SNTG2: variants seen among roughly 807,000 people sequenced by gnomAD.
SNTG2 encodes gamma-2-syntrophin.
Under a neutral mutation model 70.9 loss-of-function variants are expected in SNTG2, and 74 were observed. The observed-to-expected ratio is 1.04, with a 90% CI of 0.86 to 1.27. SNTG2 has a LOEUF of 1.27. Among genes scored for constraint, SNTG2 ranks in the 50% most tolerant of loss-of-function variants. The pLI, the probability that SNTG2 is intolerant of heterozygous loss-of-function variation, is 0.00. For missense variants in SNTG2, 717 were observed against 690.7 expected (o/e 1.04, Z -0.43); for synonymous variants, 278 against 273.8 (o/e 1.02, Z -0.15).
At chr2:1,149,412 C>A (rs1669316550) in intron 6 of SNTG2, among the ~76,000 whole-genome samples, 1 of 152,162 alleles carries the variant, frequency 6.6e-6, no homozygotes, top group Non-Finnish European at 1.5e-5. Flanking sequence ...GTTGTGAATA[C>A]ACACAGGAGA....
rs147978381 is a variant in SNTG2, at chr2:977,597, C to G, written c.72+26529C>G. 2.1e-4 allele frequency among the ~76,000 whole-genome samples: 32 copies of G among 152,310 alleles called. No individual in the cohort carries two copies. In the East Asian group the frequency reaches 6.0e-3, roughly 28 times the overall value. ...TCCCACTTGGGAACCTTTGCCATCT[C>G]TGTCGCTCAATGGTCCATCTTGCCT... On this transcript the variant is annotated intron_variant, in intron 1 of 16. Transcript: ENST00000308624.
intron 4 of SNTG2, among the ~76,000 whole-genome samples, chr2:1,124,313 C>CTG (rs1558428898): frequency 3.4e-5 from 5 of 148,028 alleles, no homozygotes; most frequent in East Asian, 4.0e-4. Flanking sequence ...TAATTTTTCT[C>CTG]AGACAGAGGC....
rs140349456 is a variant in SNTG2 at position 1,244,001 on chromosome 2, G to A, written c.889-3326G>A. ...AGAGCGTGCCACTGCACTCCAGCCC[G>A]GGCGACAGAGCAAGACTCTGGCCTG... On this transcript the variant is annotated intron_variant, in intron 11 of 16. Transcript: ENST00000308624. Among the ~76,000 whole-genome samples, 848 of 151,954 alleles carry A rather than the reference G, an allele frequency of 5.6e-3. 4 individuals are homozygous for A. The highest frequency in any genetic ancestry group is 0.019 in the African/African-American group (790 of 41,542).
chr2:1,312,309 G>A (rs780421150), intron 15 of SNTG2, among the ~76,000 whole-genome samples: 30 of 152,118 alleles, frequency 2.0e-4, no homozygotes, highest in Non-Finnish European at 3.5e-4. Flanking sequence ...CTCCTGCCCC[G>A]TCCAAGCGCA....
chr2:1,259,340 T>C, intron 12 of SNTG2, 30 bp from the exon 13 acceptor site: 2 of 1,611,664 alleles, frequency 1.2e-6, no homozygotes, highest in South Asian at 1.1e-5. Flanking sequence ...AGCATGCTGC[T>C]TTTCATGGAA....
chr2:1,089,137 C>T (rs1664861724), intron 2 of SNTG2, among the ~76,000 whole-genome samples: 3 of 152,164 alleles, frequency 2.0e-5, no homozygotes, highest in Non-Finnish European at 4.4e-5. Context: ...AAAATGCAGT[C>T]GTCAGCAAAA....
chr2:1,249,327 T>G (rs1677624905), intron 12 of SNTG2, among the ~76,000 whole-genome samples: 1 of 152,218 alleles, frequency 6.6e-6, no homozygotes, highest in Non-Finnish European at 1.5e-5. Context: ...TTTTTTTTTC[T>G]CATTTGAGTC....
intron 16 of SNTG2, among the ~76,000 whole-genome samples, chr2:1,363,130 C>A (rs1269467187): frequency 1.6e-4 from 2 of 12,736 alleles, no homozygotes; most frequent in African/African-American, 5.0e-4. Flanking sequence ...ACAAAATGGA[C>A]CCCCCCCATG....
At chr2:961,839 C>T (rs1006857787) in intron 1 of SNTG2, among the ~76,000 whole-genome samples, 5 of 152,096 alleles carry the variant, frequency 3.3e-5, no homozygotes, top group Non-Finnish European at 7.4e-5. Context: ...CTGGTATGCA[C>T]ACTTCATGTG....
intron 1 of SNTG2, among the ~76,000 whole-genome samples, chr2:1,041,227 T>C (rs76866258): frequency 0.035 from 5,384 of 152,276 alleles, 151 homozygotes; most frequent in Middle Eastern, 0.085. Context: ...CAGTTAACCA[T>C]AGTTGGATTT....
intron 4 of SNTG2, among the ~76,000 whole-genome samples, chr2:1,116,277 T>C (rs1018509257): frequency 2.6e-5 from 4 of 152,216 alleles, no homozygotes; most frequent in Non-Finnish European, 5.9e-5. Context: ...TTTTCTCTTA[T>C]TCACTAGAAC....
At chr2:1,116,011 A>T (rs1034766546) in intron 4 of SNTG2, among the ~76,000 whole-genome samples, 1 of 152,244 alleles carries the variant, frequency 6.6e-6, no homozygotes, top group Non-Finnish European at 1.5e-5. Context: ...CTGTGGTGGA[A>T]ACAGTATCAG....
intron 9 of SNTG2, among the ~76,000 whole-genome samples, chr2:1,232,593 C>G (rs1420721202): frequency 6.6e-6 from 1 of 152,210 alleles, no homozygotes; most frequent in Non-Finnish European, 1.5e-5. Flanking sequence ...CCACCATGCC[C>G]AGCCCACCAT....
At chr2:1,156,190 A>G (rs953897720) in intron 6 of SNTG2, among the ~76,000 whole-genome samples, 29 of 152,282 alleles carry the variant, frequency 1.9e-4, no homozygotes, top group Middle Eastern at 3.4e-3. Context: ...ACTACTCTGA[A>G]GGGAAGGAAG....
intron 1 of SNTG2, among the ~76,000 whole-genome samples, chr2:1,066,424 TGA>T (rs1663157876): frequency 6.6e-6 from 1 of 152,022 alleles, no homozygotes; most frequent in South Asian, 2.1e-4. Context: ...CTGCAGGCGT[TGA>T]GTTCTCGGTG....
chr2:1,228,847 C>T (rs1242246238), intron 9 of SNTG2, among the ~76,000 whole-genome samples: 1 of 152,050 alleles, frequency 6.6e-6, no homozygotes, highest in Non-Finnish European at 1.5e-5. Context: ...GAGTTTGTTC[C>T]TTCTGATGTT....
chr2:995,849 T>C (rs193302835), intron 1 of SNTG2, among the ~76,000 whole-genome samples: 36 of 152,272 alleles, frequency 2.4e-4, no homozygotes, highest in Non-Finnish European at 4.3e-4. Context: ...GCAGCACAAC[T>C]TCCCCATAGT....
chr2:1,135,739 A>T (rs916724929), intron 4 of SNTG2, among the ~76,000 whole-genome samples: 1 of 152,346 alleles, frequency 6.6e-6, no homozygotes, highest in Admixed American at 6.5e-5. Context: ...AAACAAAAAA[A>T]CAAAGACATT....
chr2:1,043,082 A>G (rs938275786), intron 1 of SNTG2, among the ~76,000 whole-genome samples: 1 of 152,172 alleles, frequency 6.6e-6, no homozygotes, highest in Non-Finnish European at 1.5e-5. Context: ...GTGAGATGAT[A>G]TCTTGCTGTG....
Sources: allele counts gnomAD v4.1 joint callset (sites outside exome capture counted in the v4.1 genomes callset), GRCh38; gene constraint gnomAD v4.1.1; transcripts MANE v1.5; gene names NCBI Gene and HGNC (gene_info 2026-07-23, HGNC 2026-07-21).